The following PDSS2 variants were observed in gnomAD, a reference collection of about 807,000 sequenced individuals.
PDSS2 encodes all trans-polyprenyl-diphosphate synthase PDSS2.
PDSS2 carries 31 observed loss-of-function variants against 44.5 expected under a neutral mutation model. The observed-to-expected ratio is 0.70, with a 90% confidence interval of 0.52 to 0.94. The LOEUF (loss-of-function observed/expected upper bound fraction) is 0.94, where lower values mean the gene tolerates loss of function less well. Ranked by LOEUF, PDSS2 falls within the 40% of genes least tolerant of loss-of-function variation. The pLI, the probability that PDSS2 is intolerant of heterozygous loss-of-function variation, is 0.00. For synonymous variants in PDSS2, 157 were observed against 180.3 expected, an observed-to-expected ratio of 0.87 and a Z score of 1.03; for missense variants, 452 against 482.2, an observed-to-expected ratio of 0.94 and a Z score of 0.59.
At chr6:107,380,738 T>A (rs1225781203) in intron 1 of PDSS2, among the ~76,000 whole-genome samples, 1 of 152,204 alleles carries the variant, frequency 6.6e-6, no homozygotes, top group East Asian at 1.9e-4. Flanking sequence ...TCTCTAGTTT[T>A]CAGAGCAGCG....
chr6:107,286,520 T>A (rs1263055149), intron 2 of PDSS2, among the ~76,000 whole-genome samples: 1 of 150,788 alleles, frequency 6.6e-6, no homozygotes, highest in East Asian at 2.0e-4. Flanking sequence ...AAAAAAATAA[T>A]AAAATAATAA....
At chr6:107,160,255 A>G (rs2114272507) in intron 7 of PDSS2, among the ~76,000 whole-genome samples, 1 of 152,224 alleles carries the variant, frequency 6.6e-6, no homozygotes, top group Middle Eastern at 3.4e-3. Context: ...AAAAAACACA[A>G]AGAACAAGAG....
chr6:107,365,216 A>G (rs1778926680), intron 1 of PDSS2, among the ~76,000 whole-genome samples: 1 of 152,178 alleles, frequency 6.6e-6, no homozygotes, highest in Non-Finnish European at 1.5e-5. Flanking sequence ...AAATATATTT[A>G]ACAATAGTAA....
chr6:107,168,789 AT>A (rs1554248001), intron 7 of PDSS2, among the ~76,000 whole-genome samples: 1 of 152,092 alleles, frequency 6.6e-6, no homozygotes, highest in Non-Finnish European at 1.5e-5. Context: ...TTCTTTAAGA[AT>A]GTTGAATATT....
intron 7 of PDSS2, among the ~76,000 whole-genome samples, chr6:107,165,405 C>T (rs1304318413): frequency 2.0e-5 from 3 of 152,132 alleles, no homozygotes; most frequent in African/African-American, 7.2e-5. Flanking sequence ...TTCCCAGCAC[C>T]ATTTATTAAA....
intron 2 of PDSS2, among the ~76,000 whole-genome samples, chr6:107,319,073 T>C (rs1777303058): frequency 6.6e-6 from 1 of 151,890 alleles, no homozygotes; most frequent in South Asian, 2.1e-4. Flanking sequence ...TGATTATTTG[T>C]GCTATGGAAA....
chr6:107,265,415 C>A (rs1168369794), intron 3 of PDSS2, among the ~76,000 whole-genome samples: 2 of 152,076 alleles, frequency 1.3e-5, no homozygotes, highest in Non-Finnish European at 2.9e-5. Context: ...AAAGTTGTTA[C>A]AAATATGCCA....
At position 107,263,838 on chromosome 6, in the gene PDSS2, T is replaced by C. The variant is rs542610123; in HGVS notation, c.630+10191A>G. On this transcript the variant is annotated intron_variant, in intron 3 of 7. Transcript: ENST00000369037. Reference sequence around the variant, plus strand: ...TTGGGATTCTGAAATAATTTTATGATGGCATTTTGACTTTTCTAATTAATT... The same window carrying C: ...TTGGGATTCTGAAATAATTTTATGACGGCATTTTGACTTTTCTAATTAATT... Among the ~76,000 whole-genome samples, 5 of 152,354 alleles carry C rather than the reference T, an allele frequency of 3.3e-5. No homozygotes were observed. The East Asian group carries it at 5.8e-4, about 18-fold the overall frequency.
At chr6:107,327,026 T>G (rs1425777290) in intron 2 of PDSS2, among the ~76,000 whole-genome samples, 1 of 152,222 alleles carries the variant, frequency 6.6e-6, no homozygotes, top group African/African-American at 2.4e-5. Context: ...ATTCTACTTG[T>G]ACCTGAATTG....
In PDSS2 at chr6:107,334,148, A is replaced by G. The variant is rs1158002726; in HGVS notation, c.431+50T>C. 4 of 1,541,504 alleles carry G rather than the reference A, an allele frequency of 2.6e-6. No individual in the cohort carries two copies. In the Admixed American group the frequency reaches 6.7e-5, roughly 26 times the overall value. On this transcript the variant is annotated intron_variant, in intron 2 of 7. Transcript: ENST00000369037. ...GATTTCCACTGACCTCTGTCCAGTAAAAGAAAACACGATGTAGAGAGCAAT... is the reference window on the plus strand; with the variant it reads ...GATTTCCACTGACCTCTGTCCAGTAGAAGAAAACACGATGTAGAGAGCAAT...
At chr6:107,448,079 C>T (rs1386225005) in intron 1 of PDSS2, among the ~76,000 whole-genome samples, 1 of 152,192 alleles carries the variant, frequency 6.6e-6, no homozygotes, top group East Asian at 1.9e-4. Context: ...CCAGAAGCTG[C>T]ATACAGCAGG....
intron 3 of PDSS2, chr6:107,264,384 C>A: frequency 6.5e-7 from 1 of 1,544,240 alleles, no homozygotes; most frequent in Non-Finnish European, 8.7e-7. Flanking sequence ...AAGTATAAAT[C>A]ACTAATGCTT....
At chr6:107,371,312 T>G (rs1017002805) in intron 1 of PDSS2, among the ~76,000 whole-genome samples, 1 of 152,208 alleles carries the variant, frequency 6.6e-6, no homozygotes, top group African/African-American at 2.4e-5. Flanking sequence ...GTGGACAAAC[T>G]TCTTTTCACC....
intron 1 of PDSS2, among the ~76,000 whole-genome samples, chr6:107,346,677 G>C (rs905426092): frequency 3.9e-5 from 6 of 152,144 alleles, no homozygotes; most frequent in Middle Eastern, 3.4e-3. Context: ...GTCCAATTCA[G>C]GTGTCTATCT....
chr6:107,185,254 C>T (rs956508497), intron 7 of PDSS2, among the ~76,000 whole-genome samples: 1 of 151,830 alleles, frequency 6.6e-6, no homozygotes, highest in East Asian at 1.9e-4. Flanking sequence ...TCAAAATGAG[C>T]GCGAATGTCA....
intron 1 of PDSS2, among the ~76,000 whole-genome samples, chr6:107,377,018 A>G (rs1779305335): frequency 6.6e-6 from 1 of 151,282 alleles, no homozygotes; most frequent in Admixed American, 6.6e-5. Flanking sequence ...CAATGGCAAC[A>G]AAAGCCAAAA....
intron 1 of PDSS2, among the ~76,000 whole-genome samples, chr6:107,441,350 T>C (rs1014429556): frequency 7.9e-5 from 12 of 152,216 alleles, no homozygotes; most frequent in Admixed American, 2.0e-4. Flanking sequence ...CCTGAATAAA[T>C]TCAGGGTTCT....
At chr6:107,337,597 T>G (rs1470109086) in intron 1 of PDSS2, among the ~76,000 whole-genome samples, 1 of 152,240 alleles carries the variant, frequency 6.6e-6, no homozygotes, top group Non-Finnish European at 1.5e-5. Flanking sequence ...CATAACACTG[T>G]GGAAGCACAT....
intron 2 of PDSS2, among the ~76,000 whole-genome samples, chr6:107,278,874 T>C (rs1418138062): frequency 2.6e-5 from 4 of 152,198 alleles, no homozygotes; most frequent in South Asian, 2.1e-4. Flanking sequence ...TCAAGAACAC[T>C]GAGTTTATAC....
Sources: gnomAD v4.1 joint callset for allele counts (sites outside exome capture counted in the v4.1 genomes callset) on GRCh38, gnomAD v4.1.1 for gene constraint, MANE v1.5 for transcripts, NCBI Gene and HGNC (gene_info 2026-07-23, HGNC 2026-07-21) for gene names.